RAI1: variants seen among roughly 807,000 people sequenced by gnomAD.
The protein encoded by RAI1 is retinoic acid induced 1, also known as retinoic acid-induced protein 1.
Under a neutral mutation model 123.8 loss-of-function variants are expected in RAI1, and 9 were observed. That is an observed-to-expected ratio of 0.07 (90% CI 0.04 to 0.13). The LOEUF is 0.13. Among genes scored for constraint, RAI1 ranks in the 10% least tolerant of loss-of-function variants. The probability of loss-of-function intolerance (pLI) is 1.00; values close to 1 mark genes in which losing one functional copy is unlikely to be tolerated. For synonymous variants in RAI1, 1,231 were observed against 1,127.3 expected, an observed-to-expected ratio of 1.09 and a Z score of -1.84; for missense variants, 2,256 against 2,545.8, an observed-to-expected ratio of 0.89 and a Z score of 2.45.
intron 1 of RAI1, among the ~76,000 whole-genome samples, chr17:17,686,608 T>TGTGTGTGCGCGCGCGC (rs1491248703): frequency 5.1e-5 from 7 of 137,764 alleles, no homozygotes; most frequent in African/African-American, 8.3e-5. Flanking sequence ...TGTGTGTGTG[T>TGTGTGTGCGCGCGCGC]GCACGCGCGC....
At chr17:17,708,431 T>C (rs927053922) in intron 1 of RAI1, among the ~76,000 whole-genome samples, 14 of 151,494 alleles carry the variant, frequency 9.2e-5, no homozygotes, top group African/African-American at 2.4e-4. Context: ...CACACACATA[T>C]ATATATATGT....
chr17:17,780,928 G>T (rs938361539), intron 2 of RAI1, among the ~76,000 whole-genome samples: 5 of 152,134 alleles, frequency 3.3e-5, no homozygotes, highest in Admixed American at 2.6e-4. Context: ...GAGTGTCCCG[G>T]GCCCAGCACT....
intron 2 of RAI1, among the ~76,000 whole-genome samples, chr17:17,735,875 G>A (rs1336977205): frequency 6.6e-6 from 1 of 152,254 alleles, no homozygotes; most frequent in African/African-American, 2.4e-5. Flanking sequence ...CAGCCTGGTT[G>A]GAGGGACTGA....
At chr17:17,769,041 G>C (rs2031046462) in intron 2 of RAI1, among the ~76,000 whole-genome samples, 1 of 152,252 alleles carries the variant, frequency 6.6e-6, no homozygotes, top group African/African-American at 2.4e-5. Flanking sequence ...TGGGATTGGG[G>C]CCACCTGCAT....
chr17:17,793,170 C>T lies in RAI1; in HGVS notation c.222C>T (p.Ala74=), dbSNP rs768129379. ...GTPSGTAAAV[A]ADKYHRGSKA... Reference sequence around the variant, plus strand: ...CCTCTGGCACTGCAGCCGCGGTGGCCGCCGACAAGTACCACCGAGGCAGCA... The same window carrying T: ...CCTCTGGCACTGCAGCCGCGGTGGCTGCCGACAAGTACCACCGAGGCAGCA... Residue 74 remains alanine (A), a synonymous_variant, in exon 3 of 6, where the codon GCC becomes GCT. Transcript: ENST00000353383. 40 of 1,613,106 alleles carry T rather than the reference C, an allele frequency of 2.5e-5. No individual in the cohort carries two copies. The highest frequency in any genetic ancestry group is 3.3e-5 in the Admixed American group (2 of 59,958).
intron 1 of RAI1, among the ~76,000 whole-genome samples, chr17:17,707,274 G>A (rs572494191): frequency 5.3e-5 from 8 of 152,116 alleles, no homozygotes; most frequent in African/African-American, 1.2e-4. Context: ...GCAAGACCTT[G>A]TCTCTGAAAA....
At chr17:17,769,820 G>A (rs576343594) in intron 2 of RAI1, among the ~76,000 whole-genome samples, 4 of 152,314 alleles carry the variant, frequency 2.6e-5, no homozygotes, top group African/African-American at 7.2e-5. Context: ...CCTGCACCCC[G>A]GCCAGAGGCC....
intron 2 of RAI1, among the ~76,000 whole-genome samples, chr17:17,745,843 G>A (rs1205290589): frequency 4.6e-5 from 7 of 152,226 alleles, no homozygotes; most frequent in Non-Finnish European, 1.0e-4. Context: ...GGTGGCCAGC[G>A]GGTGGAGGAA....
At chr17:17,762,385 G>A (rs541582665) in intron 2 of RAI1, among the ~76,000 whole-genome samples, 1 of 152,244 alleles carries the variant, frequency 6.6e-6, no homozygotes, top group Admixed American at 6.5e-5. Context: ...TGTGGTTGGA[G>A]TGTGCATGGG....
In RAI1 at chr17:17,796,085, G is replaced by A. The variant is rs763656384; in HGVS notation, c.3137G>A (p.Arg1046Gln). 20 of 1,579,902 alleles carry A rather than the reference G, an allele frequency of 1.3e-5. No homozygotes were observed. Among genetic ancestry groups the A allele is most frequent in the African/African-American group, 1.1e-4 (8 of 74,298 alleles). Residue 1046 changes from arginine (R) to glutamine (Q), a missense_variant, in exon 3 of 6, where the codon CGG (arginine) becomes CAG (glutamine). This residue lies in a region of RAI1 where 566 missense variants were observed against 616.0 expected (regional missense o/e 0.92). Coordinates refer to ENST00000353383, the MANE Select transcript of RAI1 (RefSeq NM_030665.4). This position sits in a 1 kb window ranked among gnomAD's most constrained non-coding sequence, Gnocchi z 5.8. The stretch of plus-strand genomic sequence containing the variant: ...ATGGAAGGGGCTGGAGCCCCAGGCC[G>A]GGGGGCCTCGGAAGGGCTCCCCAGG... ...GQMEGAGAPG[R>Q]GASEGLPRMC...
intron 2 of RAI1, among the ~76,000 whole-genome samples, chr17:17,738,435 GT>G (rs1323040969): frequency 6.6e-6 from 1 of 152,044 alleles, no homozygotes; most frequent in Non-Finnish European, 1.5e-5. Context: ...TGAGGAGCCT[GT>G]TTTCCCGGCT....
At chr17:17,775,666 G>T (rs2031319753) in intron 2 of RAI1, among the ~76,000 whole-genome samples, 1 of 152,064 alleles carries the variant, frequency 6.6e-6, no homozygotes, top group South Asian at 2.1e-4. Context: ...AAGTAAAAGC[G>T]GATCATCGTG....
At chr17:17,733,895 G>C (rs1213360900) in intron 2 of RAI1, among the ~76,000 whole-genome samples, 1 of 152,186 alleles carries the variant, frequency 6.6e-6, no homozygotes, top group African/African-American at 2.4e-5. Flanking sequence ...GGCTGCTCCT[G>C]GGGGCTGGGA....
chr17:17,792,698 C>G, intron 2 of RAI1, among the ~76,000 whole-genome samples: 1 of 151,716 alleles, frequency 6.6e-6, no homozygotes, highest in East Asian at 1.9e-4. Context: ...AATTACAGAG[C>G]ACACCTCCCT....
rs1021357832 is a variant in RAI1 at position 17,810,127 on chromosome 17, T to G, written c.*146T>G. The G allele has an allele frequency of 1.7e-6, 2 of 1,171,264 alleles. No homozygotes were observed. The highest frequency in any genetic ancestry group is 5.7e-5 in the Admixed American group (2 of 35,158). The allele number at this position is 1,171,264 out of a possible 1,614,324, so 72.6% of individuals were successfully genotyped here. ...GATCCTTGATCCGGGTCCCGGATCGTGGATCCGGCCGCCTAGGGCTCAGAC... is the reference window on the plus strand; with the variant it reads ...GATCCTTGATCCGGGTCCCGGATCGGGGATCCGGCCGCCTAGGGCTCAGAC... On this transcript the variant is annotated 3_prime_UTR_variant, in exon 6 of 6. Transcript: ENST00000353383. The surrounding 1 kb of genome is among the most constrained non-coding windows in gnomAD (Gnocchi z 4.6).
rs561894887 is a variant in RAI1, at chr17:17,810,819, G to A, written c.*838G>A. 6 of 454,806 alleles carry A rather than the reference G, an allele frequency of 1.3e-5. No homozygotes were observed. In the East Asian group the frequency reaches 4.2e-4, roughly 32 times the overall value. 28.2% of individuals were successfully genotyped at this position (454,806 alleles called of 1,614,324 possible). A position where few individuals can be genotyped will look rare whatever the true frequency, so the allele number is the denominator to read the frequency against. Reference sequence around the variant, plus strand: ...GCACCTCCGGCTCCGGCGGACGCGCGACCGTTGTGCACCACCAGGGACCGC... The same window carrying A: ...GCACCTCCGGCTCCGGCGGACGCGCAACCGTTGTGCACCACCAGGGACCGC... On this transcript the variant is annotated 3_prime_UTR_variant, in exon 6 of 6. Coordinates refer to ENST00000353383, the MANE Select transcript of RAI1 (RefSeq NM_030665.4). This position sits in a 1 kb window ranked among gnomAD's most constrained non-coding sequence, Gnocchi z 4.6.
rs374389275 is a variant in RAI1 at position 17,794,841 on chromosome 17, C to A, written c.1893C>A (p.Ser631Arg). 6 of 1,613,112 alleles carry A rather than the reference C, an allele frequency of 3.7e-6. No homozygotes were observed. Among genetic ancestry groups the A allele is most frequent in the Admixed American group, 3.3e-5 (2 of 60,008 alleles). The change falls in exon 3 of 6, where the codon AGC (serine) becomes AGA (arginine). Residue 631 changes from serine (S) to arginine (R), a missense_variant. Ser to Arg is a moderately radical substitution (Grantham distance 110). Around this residue, in one of 7 missense-constraint regions of RAI1, gnomAD observed 566 missense variants for 616.0 expected, o/e 0.92. Transcript: ENST00000353383. Reference sequence around the variant, plus strand: ...ACAAAGCTTGGGCTGAAGCACCCAGCCTGGTCAAGGACAGCAGCAAGCCAC... The same window carrying A: ...ACAAAGCTTGGGCTGAAGCACCCAGACTGGTCAAGGACAGCAGCAAGCCAC... Reference protein sequence around the residue: ...KADKAWAEAPSLVKDSSKPPF... With the variant: ...KADKAWAEAPRLVKDSSKPPF...
chr17:17,784,533 G>T (rs2031751831), intron 2 of RAI1, among the ~76,000 whole-genome samples: 1 of 152,340 alleles, frequency 6.6e-6, no homozygotes, highest in African/African-American at 2.4e-5. Context: ...CAAAATGAGG[G>T]GGAGATTTGA....
chr17:17,752,860 T>G (rs1371669530), intron 2 of RAI1, among the ~76,000 whole-genome samples: 1 of 145,578 alleles, frequency 6.9e-6, no homozygotes, highest in African/African-American at 2.8e-5. Flanking sequence ...TTATATCTCT[T>G]TTTGTGCACT....
Sources: allele counts gnomAD v4.1 joint callset (sites outside exome capture counted in the v4.1 genomes callset), GRCh38; gene constraint gnomAD v4.1.1; regional missense constraint gnomAD v4.1.1; non-coding constraint Gnocchi (gnomAD v3.1); transcripts MANE v1.5; gene names NCBI Gene and HGNC (gene_info 2026-07-23, HGNC 2026-07-21).